Variants in GPC6 observed in about 807,000 individuals in gnomAD.
The protein encoded by GPC6 is glypican 6.
Under a neutral mutation model 55.2 loss-of-function variants are expected in GPC6, and 14 were observed. The ratio of observed to expected loss-of-function variants is 0.25; its 90% CI spans 0.17 to 0.40. GPC6 has a LOEUF of 0.40. Ranked by LOEUF, GPC6 falls within the 10% of genes least tolerant of loss-of-function variation. The pLI is 1.00. For synonymous variants in GPC6, 278 were observed against 259.6 expected, an observed-to-expected ratio of 1.07 and a Z score of -0.68; for missense variants, 641 against 708.5, an observed-to-expected ratio of 0.90 and a Z score of 1.08.
intron 2 of GPC6, among the ~76,000 whole-genome samples, chr13:93,725,945 T>C (rs560727688): frequency 4.2e-4 from 64 of 152,130 alleles, no homozygotes; most frequent in African/African-American, 1.5e-3. Flanking sequence ...ACTTTAACAA[T>C]GGGTCTGTAT....
intron 2 of GPC6, among the ~76,000 whole-genome samples, chr13:93,601,876 ATC>A (rs1878030336): frequency 6.6e-6 from 1 of 152,208 alleles, no homozygotes; most frequent in African/African-American, 2.4e-5. Flanking sequence ...TAAAAATCGT[ATC>A]TGCATTTCAG....
intron 3 of GPC6, among the ~76,000 whole-genome samples, chr13:93,936,421 A>G (rs570637490): frequency 1.3e-5 from 2 of 152,234 alleles, no homozygotes; most frequent in South Asian, 4.1e-4. Flanking sequence ...ATAAACATAC[A>G]CATCTATATG....
At chr13:94,153,376 G>A (rs1887812426) in intron 4 of GPC6, among the ~76,000 whole-genome samples, 2 of 152,076 alleles carry the variant, frequency 1.3e-5, no homozygotes, top group African/African-American at 2.4e-5. Flanking sequence ...TAACAAATAA[G>A]AGAATTATGA....
At chr13:93,358,492 A>G (rs1880931881) in intron 1 of GPC6, among the ~76,000 whole-genome samples, 1 of 152,206 alleles carries the variant, frequency 6.6e-6, no homozygotes, top group African/African-American at 2.4e-5. Context: ...ACACAATGAA[A>G]TGAAGGAACC....
chr13:93,861,481 A>G (rs558207969), intron 3 of GPC6, among the ~76,000 whole-genome samples: 2 of 151,712 alleles, frequency 1.3e-5, no homozygotes, highest in South Asian at 2.1e-4. Flanking sequence ...ATTTTATCCA[A>G]ATGAGAAGAC....
Position 93,968,533 on chromosome 13 carries a change from G to T in GPC6, c.712-59196G>T, listed in dbSNP as rs187163573. Among the ~76,000 whole-genome samples the T allele has an allele frequency of 3.4e-4, 52 of 152,052 alleles. 1 individual carries two copies. Among genetic ancestry groups the T allele is most frequent in the African/African-American group, 1.2e-3 (48 of 41,494 alleles). On this transcript the variant is annotated intron_variant, in intron 3 of 8. Transcript: ENST00000377047. ...ATATTCAGAGTGTGCTTTCTTATTT[G>T]TAGCAAAATCCTGTTCTGAAGAAGC...
At chr13:93,435,788 G>C (rs114378514) in intron 1 of GPC6, among the ~76,000 whole-genome samples, 1 of 152,114 alleles carries the variant, frequency 6.6e-6, no homozygotes, top group African/African-American at 2.4e-5. Context: ...GCAGATGCAA[G>C]GATCAAATAC....
At chr13:93,467,575 C>CGTTTT (rs1307405425) in intron 1 of GPC6, among the ~76,000 whole-genome samples, 1 of 74,020 alleles carries the variant, frequency 1.4e-5, no homozygotes. Flanking sequence ...AGCTGTGATT[C>CGTTTT]TTTTTTTTTT....
intron 3 of GPC6, among the ~76,000 whole-genome samples, chr13:93,959,211 G>A (rs1708231536): frequency 6.7e-6 from 1 of 149,816 alleles, no homozygotes; most frequent in African/African-American, 2.5e-5. Context: ...CTCTCAGGCT[G>A]GAGTGCAGTG....
At chr13:94,032,580 A>G (rs1039699482) in intron 4 of GPC6, among the ~76,000 whole-genome samples, 5 of 152,140 alleles carry the variant, frequency 3.3e-5, no homozygotes, top group Admixed American at 6.6e-5. Flanking sequence ...GACATTTTCT[A>G]TGATCAAGTC....
intron 4 of GPC6, chr13:94,187,795 A>G (rs1340161397): frequency 6.6e-6 from 1 of 152,228 alleles, no homozygotes; most frequent in Non-Finnish European, 1.5e-5. Flanking sequence ...GTATGTCTAT[A>G]TAATACACTG....
intron 4 of GPC6, among the ~76,000 whole-genome samples, chr13:94,208,411 A>T (rs1889968858): frequency 6.6e-6 from 1 of 152,164 alleles, no homozygotes; most frequent in Non-Finnish European, 1.5e-5. Flanking sequence ...TATAGTTTTC[A>T]GAAGGAGGAA....
At chr13:93,550,851 C>CTA (rs917034365) in intron 2 of GPC6, among the ~76,000 whole-genome samples, 1 of 152,076 alleles carries the variant, frequency 6.6e-6, no homozygotes, top group Non-Finnish European at 1.5e-5. Context: ...ATAGAGAAGG[C>CTA]ACTTAACCAA....
intron 4 of GPC6, among the ~76,000 whole-genome samples, chr13:94,144,256 T>C (rs545945062): frequency 1.3e-5 from 2 of 152,194 alleles, no homozygotes; most frequent in East Asian, 3.9e-4. Flanking sequence ...ATATTGTTTT[T>C]TAATAAAAGA....
At chr13:93,665,653 A>G (rs1881100022) in intron 2 of GPC6, among the ~76,000 whole-genome samples, 1 of 152,224 alleles carries the variant, frequency 6.6e-6, no homozygotes, top group African/African-American at 2.4e-5. Flanking sequence ...ATTTAATGAA[A>G]GCTGTTGCTA....
chr13:93,684,064 A>T (rs183599738), intron 2 of GPC6, among the ~76,000 whole-genome samples: 192 of 152,224 alleles, frequency 1.3e-3, no homozygotes, highest in Admixed American at 0.012. Context: ...TATACTCCTA[A>T]CACCGTCACA....
At chr13:93,516,416 A>T (rs140489528) in intron 1 of GPC6, among the ~76,000 whole-genome samples, 93 of 152,268 alleles carry the variant, frequency 6.1e-4, no homozygotes, top group African/African-American at 2.1e-3. Flanking sequence ...AAGAATGCCC[A>T]GAATTGTGGA....
intron 4 of GPC6, among the ~76,000 whole-genome samples, chr13:94,107,972 A>G (rs1051421553): frequency 4.6e-5 from 7 of 152,204 alleles, no homozygotes; most frequent in Non-Finnish European, 1.0e-4. Flanking sequence ...TATGGAAAAC[A>G]GTGTGGACAT....
At chr13:94,367,045 C>T (rs1879317712) in intron 6 of GPC6, among the ~76,000 whole-genome samples, 1 of 152,208 alleles carries the variant, frequency 6.6e-6, no homozygotes, top group South Asian at 2.1e-4. Context: ...GGGGAGATGA[C>T]TTGGCTTAGG....
Sources: allele counts gnomAD v4.1 joint callset (sites outside exome capture counted in the v4.1 genomes callset), GRCh38; gene constraint gnomAD v4.1.1; transcripts MANE v1.5; gene names NCBI Gene and HGNC (gene_info 2026-07-23, HGNC 2026-07-21).